CBLN2: variants seen among roughly 807,000 people sequenced by gnomAD.
The protein encoded by CBLN2 is cerebellin 2 precursor, also known as cerebellin-2.
CBLN2 carries 7 observed loss-of-function variants against 15.0 expected under a neutral mutation model. That is an observed-to-expected ratio of 0.47 (90% CI 0.27 to 0.88). CBLN2 has a LOEUF of 0.88. CBLN2 is among the 40% of genes least tolerant of loss of function. The pLI, the probability that CBLN2 is intolerant of heterozygous loss-of-function variation, is 0.14. For synonymous variants in CBLN2, 149 were observed against 135.2 expected, an observed-to-expected ratio of 1.10 and a Z score of -0.71; for missense variants, 242 against 304.5, an observed-to-expected ratio of 0.79 and a Z score of 1.53.
At chr18:72,573,824 G>T (rs776440831) in intron 1 of CBLN2, among the ~76,000 whole-genome samples, 1 of 152,160 alleles carries the variant, frequency 6.6e-6, no homozygotes, top group East Asian at 1.9e-4. Context: ...TACAACTGTC[G>T]CATCTTACGG....
In CBLN2 at chr18:72,542,112, C is replaced by G; in HGVS notation, c.49G>C (p.Gly17Arg). 6.9e-7 allele frequency: 1 copy of G among 1,440,876 alleles called. No homozygotes were observed. Among genetic ancestry groups the G allele is most frequent in the Non-Finnish European group, 9.0e-7 (1 of 1,106,994 alleles). 89.3% of individuals were successfully genotyped at this position (1,440,876 alleles called of 1,614,324 possible). ...GGCTCGCGCAGCGCCCCCCGGCGCCCGGGCATCATCAGCCGCAGCCCGAGT... is the reference window on the plus strand; with the variant it reads ...GGCTCGCGCAGCGCCCCCCGGCGCCGGGGCATCATCAGCCGCAGCCCGAGT... ...GPLGLRLMMP[G>R]RRGALREPGG... Residue 17 changes from glycine (G) to arginine (R), a missense_variant, in exon 3 of 5, where the codon GGG (glycine) becomes CGG (arginine). Gly to Arg is a moderately radical substitution (Grantham distance 125). Around this residue, in one of 4 missense-constraint regions of CBLN2, gnomAD observed 96 missense variants for 83.8 expected, o/e 1.15. Coordinates refer to ENST00000269503, the MANE Select transcript of CBLN2 (RefSeq NM_182511.4).
At chr18:72,553,105 C>T (rs1480553009) in intron 1 of CBLN2, among the ~76,000 whole-genome samples, 1 of 152,160 alleles carries the variant, frequency 6.6e-6, no homozygotes, top group African/African-American at 2.4e-5. Context: ...TTGGATTTTA[C>T]AGAATGGATT....
At chr18:72,572,500 C>T (rs922764143) in intron 1 of CBLN2, among the ~76,000 whole-genome samples, 2 of 152,162 alleles carry the variant, frequency 1.3e-5, no homozygotes, top group Non-Finnish European at 2.9e-5. Context: ...TTTCAAATGT[C>T]CATTTATCTC....
At chr18:72,581,842 C>A (rs905230748) in intron 1 of CBLN2, among the ~76,000 whole-genome samples, 1 of 151,996 alleles carries the variant, frequency 6.6e-6, no homozygotes, top group African/African-American at 2.4e-5. Flanking sequence ...ATTTATTTGC[C>A]TGTTTAATCG....
At chr18:72,615,676 T>C (rs1424144605) in intron 1 of CBLN2, among the ~76,000 whole-genome samples, 1 of 152,172 alleles carries the variant, frequency 6.6e-6, no homozygotes, top group Non-Finnish European at 1.5e-5. Context: ...TTGCACAATA[T>C]ATATATTAAG....
rs544635180 is a variant in CBLN2, at chr18:72,551,481, T to C, written c.16-12709A>G. ...GATCTAAATCTTGCTTGAAATAGAA[T>C]TGACTAAAAACCGACAGAATTAGGT... On this transcript the variant is annotated intron_variant, in intron 1 of 2. Coordinates refer to the CBLN2 transcript ENST00000581073. 5.9e-5 allele frequency among the ~76,000 whole-genome samples: 9 copies of C among 152,276 alleles called. No individual in the cohort carries two copies. The South Asian group carries it at 1.7e-3, about 28-fold the overall frequency.
chr18:72,559,698 C>T (rs770178373), intron 1 of CBLN2, among the ~76,000 whole-genome samples: 2 of 152,126 alleles, frequency 1.3e-5, no homozygotes, highest in Admixed American at 6.5e-5. Context: ...CTAACATATC[C>T]GTTTGATTTT....
chr18:72,568,423 C>A (rs144946876), intron 1 of CBLN2, among the ~76,000 whole-genome samples: 10 of 152,220 alleles, frequency 6.6e-5, no homozygotes, highest in African/African-American at 2.2e-4. Flanking sequence ...ATGTCAGTAG[C>A]TTCCAAATGA....
chr18:72,554,631 TA>T lies in CBLN2; in HGVS notation c.16-15860del, dbSNP rs546144256. ...AATAATTGTTCTAAATAACACAAAG[TA>T]AAAAAAAAAAATTGAATGCCTGCAA... On this transcript the variant is annotated intron_variant, in intron 1 of 2. Coordinates refer to the CBLN2 transcript ENST00000581073. Among the ~76,000 whole-genome samples the T allele has an allele frequency of 3.6e-3, 484 of 133,532 alleles. 5 individuals carry two copies. The highest frequency in any genetic ancestry group is 7.4e-3 in the African/African-American group (255 of 34,288). The allele number at this position is 133,532 out of a possible 152,430, so 87.6% of individuals were successfully genotyped here. A position where few individuals can be genotyped will look rare whatever the true frequency, so the allele number is the denominator to read the frequency against.
intron 1 of CBLN2, among the ~76,000 whole-genome samples, chr18:72,551,811 A>C (rs2069193633): frequency 6.6e-6 from 1 of 152,260 alleles, no homozygotes; most frequent in Non-Finnish European, 1.5e-5. Flanking sequence ...TTAATATTTC[A>C]TTAAAGAAAT....
intron 1 of CBLN2, chr18:72,618,592 G>T: frequency 1.1e-6 from 1 of 941,492 alleles, no homozygotes; most frequent in East Asian, 2.7e-5. Flanking sequence ...TATACGTGTT[G>T]GTGGCATTAA....
At chr18:72,620,477 C>A (rs896539029) in intron 1 of CBLN2, 5 of 152,236 alleles carry the variant, frequency 3.3e-5, no homozygotes, top group African/African-American at 7.2e-5. Context: ...GAAATCAAGC[C>A]ATCAAGTCTT....
At chr18:72,569,643 C>A (rs1418650246) in intron 1 of CBLN2, among the ~76,000 whole-genome samples, 2 of 152,068 alleles carry the variant, frequency 1.3e-5, no homozygotes, top group Non-Finnish European at 2.9e-5. Context: ...GAAGGGGGAT[C>A]AGGCCCCACA....
chr18:72,544,986 T>C (rs2069148142), upstream of CBLN2, among the ~76,000 whole-genome samples: 1 of 151,180 alleles, frequency 6.6e-6, no homozygotes, highest in African/African-American at 2.4e-5. Flanking sequence ...ATAATAATAA[T>C]AATAATAATA....
At chr18:72,545,901 A>G (rs1056340794), upstream of CBLN2, among the ~76,000 whole-genome samples, 27 of 152,314 alleles carry the variant, frequency 1.8e-4, no homozygotes, top group African/African-American at 6.0e-4. Flanking sequence ...ACACTGGGGG[A>G]AAAAAGAAAA....
chr18:72,563,234 T>C (rs1599000289), intron 1 of CBLN2, among the ~76,000 whole-genome samples: 1 of 152,214 alleles, frequency 6.6e-6, no homozygotes, highest in East Asian at 1.9e-4. Context: ...TCAGATTATG[T>C]TTTTACAATT....
intron 1 of CBLN2, among the ~76,000 whole-genome samples, chr18:72,596,779 G>T (rs1424220226): frequency 3.3e-5 from 5 of 152,270 alleles, no homozygotes; most frequent in African/African-American, 1.2e-4. Context: ...TGAGAAATCT[G>T]CTGCCAGATG....
intron 1 of CBLN2, among the ~76,000 whole-genome samples, chr18:72,627,591 A>G (rs899489961): frequency 6.6e-6 from 1 of 152,210 alleles, no homozygotes; most frequent in Non-Finnish European, 1.5e-5. Context: ...ATTTGTAACA[A>G]TCATCTGGGC....
intron 1 of CBLN2, among the ~76,000 whole-genome samples, chr18:72,634,719 G>A (rs1353351007): frequency 6.6e-6 from 1 of 152,110 alleles, no homozygotes; most frequent in Non-Finnish European, 1.5e-5. Flanking sequence ...TTTCTACAAA[G>A]TAATAATCTT....
Sources: gnomAD v4.1 joint callset for allele counts (sites outside exome capture counted in the v4.1 genomes callset) on GRCh38, gnomAD v4.1.1 for gene constraint, gnomAD v4.1.1 regional missense constraint, MANE v1.5 for transcripts, NCBI Gene and HGNC (gene_info 2026-07-23, HGNC 2026-07-21) for gene names.